The following CERT1 variants were observed in gnomAD, a reference collection of about 807,000 sequenced individuals.
CERT1 encodes the protein ceramide transporter 1, also known as ceramide transfer protein.
Under a neutral mutation model 87.9 loss-of-function variants are expected in CERT1, and 31 were observed. The ratio of observed to expected loss-of-function variants is 0.35; its 90% CI spans 0.27 to 0.48. CERT1 has a LOEUF of 0.48. CERT1 is among the 20% of genes least tolerant of loss of function. CERT1 has a pLI of 0.99. For synonymous variants in CERT1, 289 were observed against 250.9 expected (o/e 1.15, Z -1.44); for missense variants, 487 against 758.0 (o/e 0.64, Z 4.20).
intron 3 of CERT1, among the ~76,000 whole-genome samples, chr5:75,455,694 T>C (rs1268424652): frequency 3.3e-5 from 5 of 152,192 alleles, no homozygotes; most frequent in African/African-American, 1.2e-4. Context: ...ATAGGTATAG[T>C]AGGAGAACTC....
intron 3 of CERT1, among the ~76,000 whole-genome samples, chr5:75,438,069 A>T (rs1337950402): frequency 6.6e-6 from 1 of 152,150 alleles, no homozygotes; most frequent in East Asian, 1.9e-4. Flanking sequence ...AGCTATTTCA[A>T]ATCATTTTGG....
intron 2 of CERT1, among the ~76,000 whole-genome samples, chr5:75,471,704 C>G (rs1765716565): frequency 7.5e-6 from 1 of 133,688 alleles, no homozygotes; most frequent in South Asian, 2.3e-4. Flanking sequence ...TGCAGTGAGC[C>G]AAGATTGCGC....
intron 2 of CERT1, 92 bp downstream of exon 2, chr5:75,505,890 T>A: frequency 1.1e-6 from 1 of 917,764 alleles, no homozygotes; most frequent in South Asian, 1.8e-5. Flanking sequence ...CTTTATCTTA[T>A]CCACGGATGT....
chr5:75,456,365 A>G (rs1487130863), intron 3 of CERT1, among the ~76,000 whole-genome samples: 2 of 152,128 alleles, frequency 1.3e-5, no homozygotes, highest in African/African-American at 4.8e-5. Context: ...CAAATAAACT[A>G]TCTTTAAAAA....
intron 3 of CERT1, among the ~76,000 whole-genome samples, chr5:75,433,018 C>T (rs1763938360): frequency 6.6e-6 from 1 of 152,106 alleles, no homozygotes; most frequent in African/African-American, 2.4e-5. Flanking sequence ...GGTTGTGAGG[C>T]TTTATTTCTG....
intron 9 of CERT1, chr5:75,400,817 T>G (rs1008843504): frequency 6.6e-6 from 1 of 152,280 alleles, no homozygotes; most frequent in African/African-American, 2.4e-5. Context: ...ATCTTACTCC[T>G]GTTAAGCTGC....
At chr5:75,447,199 T>C (rs1764580039) in intron 3 of CERT1, among the ~76,000 whole-genome samples, 2 of 152,192 alleles carry the variant, frequency 1.3e-5, no homozygotes, top group African/African-American at 4.8e-5. Flanking sequence ...AAGCCTTCCC[T>C]GGAACTTGCA....
At chr5:75,489,953 C>T (rs545790840) in intron 2 of CERT1, among the ~76,000 whole-genome samples, 2 of 152,118 alleles carry the variant, frequency 1.3e-5, no homozygotes, top group Admixed American at 1.3e-4. Context: ...CAGCAATTGC[C>T]CATCAATGTT....
chr5:75,499,944 C>T (rs1767267699), intron 2 of CERT1, among the ~76,000 whole-genome samples: 1 of 152,176 alleles, frequency 6.6e-6, no homozygotes, highest in Non-Finnish European at 1.5e-5. Context: ...TTGAAAACAG[C>T]AGCATTGTGG....
intron 3 of CERT1, among the ~76,000 whole-genome samples, chr5:75,458,403 G>A (rs1209593166): frequency 6.6e-6 from 1 of 152,082 alleles, no homozygotes; most frequent in Non-Finnish European, 1.5e-5. Context: ...ACTTTTATAA[G>A]TTGGGGTTTT....
chr5:75,374,493 G>A (rs1761210760), downstream of CERT1: 2 of 720,784 alleles, frequency 2.8e-6, no homozygotes, highest in African/African-American at 1.7e-5. Flanking sequence ...CAATGGTTGT[G>A]CCAAAAAGGG....
chr5:75,435,207 T>G (rs1764037889), intron 3 of CERT1, among the ~76,000 whole-genome samples: 1 of 152,244 alleles, frequency 6.6e-6, no homozygotes, highest in Non-Finnish European at 1.5e-5. Flanking sequence ...GATTCTTTCT[T>G]CAGCTTGGTC....
At chr5:75,379,609 C>A in intron 16 of CERT1, 136 bp from the exon 17 acceptor site, 1 of 812,346 alleles carries the variant, frequency 1.2e-6, no homozygotes, top group Non-Finnish European at 1.9e-6. Context: ...CTTTTTGAGA[C>A]GGAGTCTTGC....
At chr5:75,480,925 C>T (rs1218299642) in intron 2 of CERT1, among the ~76,000 whole-genome samples, 2 of 152,228 alleles carry the variant, frequency 1.3e-5, no homozygotes, top group Admixed American at 6.5e-5. Flanking sequence ...TTACCTGCAA[C>T]AGCCTTTAAA....
intron 11 of CERT1, among the ~76,000 whole-genome samples, chr5:75,392,980 AAAAAAAAAAAAAAAAAAG>A (rs1762089975): frequency 6.8e-6 from 1 of 147,810 alleles, no homozygotes; most frequent in African/African-American, 2.5e-5. Flanking sequence ...AAAAAAAAAA[AAAAAAAAAAAAAAAAAAG>A]AAGTGGGAAA....
downstream of CERT1, chr5:75,375,639 T>A (rs1393507749): frequency 6.8e-6 from 1 of 146,246 alleles, no homozygotes; most frequent in East Asian, 2.0e-4. Flanking sequence ...ATAAAATAAA[T>A]AAAAATATAT....
chr5:75,503,502 A>G (rs1404655071), intron 2 of CERT1, among the ~76,000 whole-genome samples: 8 of 152,010 alleles, frequency 5.3e-5, no homozygotes, highest in African/African-American at 1.9e-4. Flanking sequence ...GAATTCAGTT[A>G]TATTTTTAAT....
downstream of CERT1, chr5:75,377,595 A>G (rs1323151044): frequency 6.6e-6 from 1 of 152,270 alleles, no homozygotes; most frequent in African/African-American, 2.4e-5. Context: ...AAATGCAAAT[A>G]TAAGATGTTG....
intron 2 of CERT1, among the ~76,000 whole-genome samples, chr5:75,477,626 G>C (rs1040374167): frequency 7.0e-5 from 8 of 114,688 alleles, no homozygotes; most frequent in African/African-American, 2.7e-4. Flanking sequence ...ACTTCAATGA[G>C]AGTAAAGGTC....
Sources: gnomAD v4.1 joint callset for allele counts (sites outside exome capture counted in the v4.1 genomes callset) on GRCh38, gnomAD v4.1.1 for gene constraint, MANE v1.5 for transcripts, NCBI Gene and HGNC (gene_info 2026-07-23, HGNC 2026-07-21) for gene names.